The following NMNAT2 variants were observed in gnomAD, a reference collection of about 807,000 sequenced individuals.
The protein encoded by NMNAT2 is nicotinamide/nicotinic acid mononucleotide adenylyltransferase 2.
Under a neutral mutation model 41.6 loss-of-function variants are expected in NMNAT2, and 11 were observed. That is an observed-to-expected ratio of 0.26 (90% CI 0.17 to 0.44). The LOEUF is 0.44. Among genes scored for constraint, NMNAT2 ranks in the 20% least tolerant of loss-of-function variants. NMNAT2 has a pLI of 1.00. For missense variants in NMNAT2, 288 were observed against 407.7 expected, an observed-to-expected ratio of 0.71 and a Z score of 2.53; for synonymous variants, 148 against 151.2, an observed-to-expected ratio of 0.98 and a Z score of 0.16.
At chr1:183,324,119 G>C (rs1157781931) in intron 1 of NMNAT2, among the ~76,000 whole-genome samples, 4 of 152,126 alleles carry the variant, frequency 2.6e-5, no homozygotes, top group Non-Finnish European at 5.9e-5. Flanking sequence ...TATAGGAAGG[G>C]GAGATTCCTC....
At chr1:183,308,642 A>G (rs545976866) in intron 1 of NMNAT2, among the ~76,000 whole-genome samples, 54 of 152,382 alleles carry the variant, frequency 3.5e-4, no homozygotes, top group Admixed American at 9.1e-4. Context: ...CTAATCTGAC[A>G]TGGGAAGATC....
At chr1:183,318,810 C>G (rs188856490) in intron 1 of NMNAT2, among the ~76,000 whole-genome samples, 21 of 152,298 alleles carry the variant, frequency 1.4e-4, no homozygotes, top group Admixed American at 9.8e-4. Context: ...GGCCTGGGAG[C>G]CTGGGGCAGG....
chr1:183,350,341 A>T (rs1427248826), intron 1 of NMNAT2, among the ~76,000 whole-genome samples: 1 of 152,128 alleles, frequency 6.6e-6, no homozygotes. Context: ...ACCCCTGTTA[A>T]TTTGGGAGGA....
intron 10 of NMNAT2, among the ~76,000 whole-genome samples, chr1:183,257,159 T>TAA (rs989161205): frequency 1.3e-5 from 2 of 151,864 alleles, no homozygotes; most frequent in Non-Finnish European, 2.9e-5. Flanking sequence ...TTAAAATGTA[T>TAA]AGGCCAGGCG....
chr1:183,379,604 C>T (rs904330194), intron 1 of NMNAT2, among the ~76,000 whole-genome samples: 3 of 152,118 alleles, frequency 2.0e-5, no homozygotes, highest in South Asian at 2.1e-4. Context: ...GCAAAGTAGA[C>T]TTCAGAACAA....
chr1:183,286,416 G>A (rs1661399931), intron 5 of NMNAT2, among the ~76,000 whole-genome samples: 1 of 152,164 alleles, frequency 6.6e-6, no homozygotes, highest in Non-Finnish European at 1.5e-5. Context: ...AAATGCAGGA[G>A]AAGAGTGCAC....
intron 1 of NMNAT2, among the ~76,000 whole-genome samples, chr1:183,317,037 T>G (rs1347279159): frequency 6.6e-6 from 1 of 152,206 alleles, no homozygotes; most frequent in African/African-American, 2.4e-5. Context: ...CCACATACAT[T>G]TTAATAAGAG....
At chr1:183,384,596 A>C (rs1233679823) in intron 1 of NMNAT2, among the ~76,000 whole-genome samples, 1 of 152,192 alleles carries the variant, frequency 6.6e-6, no homozygotes, top group Non-Finnish European at 1.5e-5. Flanking sequence ...GTCACCTTCC[A>C]CTAGGCCCCT....
chr1:183,381,992 A>C (rs888650340), intron 1 of NMNAT2, among the ~76,000 whole-genome samples: 2 of 152,214 alleles, frequency 1.3e-5, no homozygotes, highest in Admixed American at 6.5e-5. Context: ...GATACAGATT[A>C]CTCTGTGCAT....
intron 8 of NMNAT2, among the ~76,000 whole-genome samples, chr1:183,274,535 A>G (rs1483153445): frequency 6.6e-6 from 1 of 151,298 alleles, no homozygotes; most frequent in African/African-American, 2.4e-5. Context: ...GTGGTCTCGA[A>G]CTCTTGACCT....
chr1:183,255,667 T>C, intron 10 of NMNAT2, among the ~76,000 whole-genome samples: 1 of 139,994 alleles, frequency 7.1e-6, no homozygotes, highest in African/African-American at 3.2e-5. Context: ...TAAGGGTTTT[T>C]TTTTTTTTTT....
intron 1 of NMNAT2, among the ~76,000 whole-genome samples, chr1:183,372,058 G>C (rs1472209294): frequency 6.6e-6 from 1 of 152,138 alleles, no homozygotes; most frequent in East Asian, 1.9e-4. Flanking sequence ...TAGGATTATA[G>C]GCACAAGCCC....
At chr1:183,417,349 C>T (rs1173326248) in intron 1 of NMNAT2, among the ~76,000 whole-genome samples, 1 of 152,154 alleles carries the variant, frequency 6.6e-6, no homozygotes, top group Non-Finnish European at 1.5e-5. Context: ...AACACGCACA[C>T]GCATATACTC....
chr1:183,278,281 G>A (rs1204459009), intron 8 of NMNAT2, among the ~76,000 whole-genome samples: 1 of 152,094 alleles, frequency 6.6e-6, no homozygotes, highest in African/African-American at 2.4e-5. Flanking sequence ...GGCAACACAT[G>A]CATACCCCAG....
intron 1 of NMNAT2, among the ~76,000 whole-genome samples, chr1:183,350,028 C>T (rs1663012044): frequency 6.6e-6 from 1 of 152,182 alleles, no homozygotes; most frequent in South Asian, 2.1e-4. Flanking sequence ...CTTGCCCTAC[C>T]AGGCCACTAT....
chr1:183,324,690 C>T (rs1662424956), intron 1 of NMNAT2, among the ~76,000 whole-genome samples: 3 of 152,194 alleles, frequency 2.0e-5, no homozygotes, highest in Admixed American at 2.0e-4. Context: ...GATGCCACCT[C>T]CTCTGGGAAG....
chr1:183,369,817 A>G (rs1413334993), intron 1 of NMNAT2, among the ~76,000 whole-genome samples: 1 of 151,956 alleles, frequency 6.6e-6, no homozygotes, highest in African/African-American at 2.4e-5. Context: ...GGCAACCACC[A>G]TGCTACTTTC....
intron 1 of NMNAT2, among the ~76,000 whole-genome samples, chr1:183,349,391 A>G (rs890418078): frequency 2.6e-5 from 4 of 152,272 alleles, no homozygotes; most frequent in Admixed American, 6.5e-5. Flanking sequence ...ATGGTCATAG[A>G]CAGAAGAGGC....
intron 1 of NMNAT2, among the ~76,000 whole-genome samples, chr1:183,390,446 A>G (rs1410030636): frequency 2.0e-5 from 3 of 152,168 alleles, no homozygotes; most frequent in Non-Finnish European, 4.4e-5. Flanking sequence ...CGGGTATGCT[A>G]TCACCACACA....
Sources: allele counts gnomAD v4.1 joint callset (sites outside exome capture counted in the v4.1 genomes callset), GRCh38; gene constraint gnomAD v4.1.1; transcripts MANE v1.5; gene names NCBI Gene and HGNC (gene_info 2026-07-23, HGNC 2026-07-21).